The following LRBA variants were observed in gnomAD, a reference collection of about 807,000 sequenced individuals.
LRBA encodes the protein lipopolysaccharide-responsive and beige-like anchor protein.
LRBA carries 176 observed loss-of-function variants against 330.0 expected under a neutral mutation model. The ratio of observed to expected loss-of-function variants is 0.53; its 90% CI spans 0.47 to 0.60. LRBA has a LOEUF of 0.60. Ranked by LOEUF, LRBA falls within the 20% of genes least tolerant of loss-of-function variation. LRBA has a pLI of 0.00. For missense variants in LRBA, 3,259 were observed against 3,444.8 expected (o/e 0.95, Z 1.35); for synonymous variants, 1,230 against 1,193.0 (o/e 1.03, Z -0.64).
intron 2 of LRBA, among the ~76,000 whole-genome samples, chr4:151,001,548 C>T (rs1042027842): frequency 1.3e-5 from 2 of 152,068 alleles, no homozygotes; most frequent in African/African-American, 4.8e-5. Flanking sequence ...GGCTACCCCC[C>T]ACCTGCCGCT....
chr4:150,380,362 A>G (rs1048389903), intron 47 of LRBA, among the ~76,000 whole-genome samples: 4 of 152,146 alleles, frequency 2.6e-5, no homozygotes, highest in African/African-American at 9.7e-5. Context: ...TTTCCCCACT[A>G]TCATTTTCCT....
Position 150,591,526 on chromosome 4 carries a change from T to C in LRBA, c.6047-667A>G, listed in dbSNP as rs560222727. ...CGCCCTTTTGTCCTTTATACAAATA[T>C]CCAGGAGCAAGGCGGTGTGGAAACT... On this transcript the variant is annotated intron_variant, in intron 38 of 56. Coordinates refer to ENST00000651943, the MANE Select transcript of LRBA (RefSeq NM_001364905.1). Among the ~76,000 whole-genome samples, 3 of 152,268 alleles carry C rather than the reference T, an allele frequency of 2.0e-5. No individual in the cohort carries two copies. The East Asian group carries it at 5.8e-4, about 29-fold the overall frequency.
chr4:150,283,649 G>A (rs989274016), intron 54 of LRBA, among the ~76,000 whole-genome samples: 1 of 152,156 alleles, frequency 6.6e-6, no homozygotes, highest in African/African-American at 2.4e-5. Context: ...AATATCCACA[G>A]GCAGTGTTTG....
chr4:150,794,713 T>C (rs533404092), intron 34 of LRBA, among the ~76,000 whole-genome samples: 1 of 152,270 alleles, frequency 6.6e-6, no homozygotes, highest in Non-Finnish European at 1.5e-5. Context: ...ATAATCAGCC[T>C]AAAATAGTAT....
At chr4:150,278,750 A>T (rs1055306873) in intron 55 of LRBA, among the ~76,000 whole-genome samples, 3 of 152,098 alleles carry the variant, frequency 2.0e-5, no homozygotes, top group Non-Finnish European at 4.4e-5. Context: ...ATTGTTTAAC[A>T]TTTTTTAATG....
chr4:150,596,364 C>T (rs1364302186), intron 38 of LRBA, among the ~76,000 whole-genome samples: 1 of 151,854 alleles, frequency 6.6e-6, no homozygotes, highest in African/African-American at 2.4e-5. Context: ...ATGGCTCTTA[C>T]TACTAAAATA....
rs186179072 is a variant in LRBA, at chr4:150,658,211, A to T, written c.5921+25340T>A. 5.9e-5 allele frequency among the ~76,000 whole-genome samples: 9 copies of T among 152,110 alleles called. No homozygotes were observed. In the East Asian group the frequency reaches 1.8e-3, roughly 30 times the overall value. ...AAAATAGATTCCCCCCCTTCTTTTG[A>T]TACTGATCAGAGACCTATCTTGACC... On this transcript the variant is annotated intron_variant, in intron 37 of 56. Coordinates refer to ENST00000651943, the MANE Select transcript of LRBA (RefSeq NM_001364905.1).
chr4:150,484,131 A>G (rs2152086858), intron 42 of LRBA, among the ~76,000 whole-genome samples: 1 of 152,152 alleles, frequency 6.6e-6, no homozygotes, highest in Non-Finnish European at 1.5e-5. Context: ...GGATGTCTGC[A>G]GTTCCTATTT....
chr4:150,728,946 A>G (rs542358658), intron 36 of LRBA, among the ~76,000 whole-genome samples: 20 of 152,320 alleles, frequency 1.3e-4, no homozygotes, highest in African/African-American at 4.6e-4. Context: ...TATTTTTAGA[A>G]AAACCTAGAA....
At chr4:150,374,417 C>T (rs572195102) in intron 47 of LRBA, among the ~76,000 whole-genome samples, 6 of 152,286 alleles carry the variant, frequency 3.9e-5, no homozygotes, top group African/African-American at 1.4e-4. Flanking sequence ...TTCTTACTGG[C>T]TATGAAGTAG....
At chr4:150,594,479 T>TA (rs1252647819) in intron 38 of LRBA, among the ~76,000 whole-genome samples, 1 of 152,094 alleles carries the variant, frequency 6.6e-6, no homozygotes, top group Non-Finnish European at 1.5e-5. Flanking sequence ...TACACACGTC[T>TA]AAAAGTTAAT....
At position 150,583,107 on chromosome 4, in the gene LRBA, C is replaced by T. The variant is rs1771612457; in HGVS notation, c.6330+4941G>A. 1.2e-6 allele frequency: 2 copies of T among 1,614,076 alleles called. No homozygotes were observed. The highest frequency in any genetic ancestry group is 2.7e-5 in the African/African-American group (2 of 74,952). ...AGCGCTGTCAGGCGCGCAAGGCGGC[C>T]ATCGCCAAAACCATCCGAGAGGTCT... On this transcript the variant is annotated intron_variant, in intron 40 of 56. Transcript: ENST00000651943. The surrounding 1 kb of genome is among the most constrained non-coding windows in gnomAD (Gnocchi z 9.8).
chr4:150,269,795 A>G (rs1415579612), intron 56 of LRBA, among the ~76,000 whole-genome samples: 2 of 152,116 alleles, frequency 1.3e-5, no homozygotes, highest in South Asian at 2.1e-4. Context: ...CAGAAAATAA[A>G]AAAGCTGGGC....
intron 35 of LRBA, among the ~76,000 whole-genome samples, chr4:150,756,816 G>A (rs190456411): frequency 7.6e-4 from 116 of 152,194 alleles, no homozygotes; most frequent in Non-Finnish European, 1.3e-3. Context: ...GACTCTAAAA[G>A]GTGGCTTTAA....
intron 41 of LRBA, among the ~76,000 whole-genome samples, chr4:150,489,005 T>C (rs1318083716): frequency 2.2e-4 from 26 of 117,666 alleles, no homozygotes; most frequent in African/African-American, 8.4e-4. Context: ...TATAAGAATA[T>C]ATAATATATT....
chr4:150,308,332 T>C (rs889715464), intron 52 of LRBA, among the ~76,000 whole-genome samples: 3 of 152,190 alleles, frequency 2.0e-5, no homozygotes, highest in African/African-American at 7.2e-5. Flanking sequence ...GGTAACGTTG[T>C]AGTGCAATGC....
intron 33 of LRBA, among the ~76,000 whole-genome samples, chr4:150,805,490 A>AAGGAAAGGAAAGGAG (rs1742567695): frequency 7.6e-6 from 1 of 131,948 alleles, no homozygotes; most frequent in Non-Finnish European, 1.6e-5. Context: ...AAGGAAAGGA[A>AAGGAAAGGAAAGGAG]AGGAGAAGGA....
At chr4:150,651,910 T>C (rs1443513214) in intron 37 of LRBA, among the ~76,000 whole-genome samples, 1 of 152,168 alleles carries the variant, frequency 6.6e-6, no homozygotes, top group African/African-American at 2.4e-5. Flanking sequence ...TTGCCCAAGC[T>C]AGAGTGCACT....
At chr4:150,637,583 C>T (rs1013501671) in intron 37 of LRBA, among the ~76,000 whole-genome samples, 6 of 152,152 alleles carry the variant, frequency 3.9e-5, no homozygotes, top group African/African-American at 1.4e-4. Flanking sequence ...TAGATGACTC[C>T]TCTCTCTTGA....
Sources: allele counts gnomAD v4.1 joint callset (sites outside exome capture counted in the v4.1 genomes callset), GRCh38; gene constraint gnomAD v4.1.1; non-coding constraint Gnocchi (gnomAD v3.1); transcripts MANE v1.5; gene names NCBI Gene and HGNC (gene_info 2026-07-23, HGNC 2026-07-21).